The following PDE10A variants were observed in gnomAD, a reference collection of about 807,000 sequenced individuals.
The protein encoded by PDE10A is phosphodiesterase 10A.
PDE10A carries 39 observed loss-of-function variants against 97.7 expected under a neutral mutation model. The observed-to-expected ratio is 0.40, with a 90% CI of 0.31 to 0.52. The LOEUF (loss-of-function observed/expected upper bound fraction) is 0.52, where lower values mean the gene tolerates loss of function less well. PDE10A is among the 20% of genes least tolerant of loss of function. The pLI, the probability that PDE10A is intolerant of heterozygous loss-of-function variation, is 0.56. For synonymous variants in PDE10A, 371 were observed against 376.8 expected, an observed-to-expected ratio of 0.98 and a Z score of 0.18; for missense variants, 731 against 1,047.8, an observed-to-expected ratio of 0.70 and a Z score of 4.17.
intron 1 of PDE10A, among the ~76,000 whole-genome samples, chr6:165,864,620 G>T (rs1669680552): frequency 6.6e-6 from 1 of 152,136 alleles, no homozygotes; most frequent in African/African-American, 2.4e-5. Context: ...TGGCTAGTGG[G>T]AGTGAACCCC....
chr6:165,909,089 T>C (rs1782384426), intron 1 of PDE10A: 1 of 152,150 alleles, frequency 6.6e-6, no homozygotes, highest in Admixed American at 6.5e-5. Flanking sequence ...GTCTTGGTAA[T>C]TCATGGAAAT....
intron 1 of PDE10A, among the ~76,000 whole-genome samples, chr6:165,602,393 C>T (rs777072601): frequency 2.2e-4 from 34 of 152,122 alleles, no homozygotes; most frequent in Non-Finnish European, 4.6e-4. Flanking sequence ...CGGTCTCTCT[C>T]GGGGAACTTC....
intron 1 of PDE10A, among the ~76,000 whole-genome samples, chr6:165,701,673 T>TG (rs1554307808): frequency 6.7e-6 from 1 of 148,838 alleles, no homozygotes; most frequent in African/African-American, 2.5e-5. Context: ...GCATGTATGT[T>TG]TGTGTGTGTG....
rs1170748254 is a variant in PDE10A at position 165,430,267 on chromosome 6, C to G, written c.1601+20G>C. 6.3e-7 allele frequency: 1 copy of G among 1,578,494 alleles called. No individual in the cohort carries two copies. Among genetic ancestry groups the G allele is most frequent in the Non-Finnish European group, 8.7e-7 (1 of 1,151,906 alleles). The stretch of plus-strand genomic sequence containing the variant: ...ACCATTGATTAATAAGAGCTACTAT[C>G]CCTAGAAATGAACACTTACTTTGAT... On this transcript the variant is annotated intron_variant, in intron 9 of 21. Transcript: ENST00000539869.
chr6:165,934,019 G>T (rs1420169321), intron 1 of PDE10A, among the ~76,000 whole-genome samples: 1 of 150,104 alleles, frequency 6.7e-6, no homozygotes, highest in Non-Finnish European at 1.5e-5. Flanking sequence ...GAGTCTCACT[G>T]CGATGCCCAG....
chr6:165,729,508 G>C lies in PDE10A; in HGVS notation c.-614-185940C>G, dbSNP rs77411052. On this transcript the variant is annotated intron_variant, in intron 1 of 19. Transcript: ENST00000366882. ...CACTACCTGCTCCTACCACAGGGGG[G>C]CAGCAACCCAAAATTCACCCAATTT... Among the ~76,000 whole-genome samples the C allele has an allele frequency of 2.5e-3, 381 of 152,242 alleles. 3 individuals carry two copies. The highest frequency in any genetic ancestry group is 8.7e-3 in the African/African-American group (361 of 41,538).
intron 17 of PDE10A, among the ~76,000 whole-genome samples, chr6:165,386,649 A>C (rs990728546): frequency 6.6e-6 from 1 of 152,206 alleles, no homozygotes; most frequent in African/African-American, 2.4e-5. Context: ...CATGTTTTAC[A>C]TATATGTGTA....
chr6:165,494,095 C>T (rs905543492), intron 2 of PDE10A, among the ~76,000 whole-genome samples: 23 of 151,872 alleles, frequency 1.5e-4, no homozygotes, highest in African/African-American at 5.6e-4. Context: ...TACCAAGGAA[C>T]TGCAAATCAA....
intron 1 of PDE10A, among the ~76,000 whole-genome samples, chr6:165,639,689 A>T: frequency 7.1e-6 from 1 of 140,642 alleles, no homozygotes; most frequent in South Asian, 2.3e-4. Context: ...CAAGGAGCCG[A>T]GGTTGCACCA....
At chr6:165,945,149 T>C (rs986789991) in intron 1 of PDE10A, among the ~76,000 whole-genome samples, 6 of 152,214 alleles carry the variant, frequency 3.9e-5, no homozygotes, top group Admixed American at 6.5e-5. Context: ...TGGTTGCTTA[T>C]TTGCTCAGTG....
chr6:165,954,584 T>C (rs1468723331), intron 1 of PDE10A, among the ~76,000 whole-genome samples: 3 of 152,146 alleles, frequency 2.0e-5, no homozygotes, highest in Non-Finnish European at 4.4e-5. Context: ...GCTGCCAGCA[T>C]TGTCATCAAA....
At chr6:165,731,526 T>TA (rs1352190011) in intron 1 of PDE10A, among the ~76,000 whole-genome samples, 4 of 152,146 alleles carry the variant, frequency 2.6e-5, no homozygotes, top group African/African-American at 9.7e-5. Context: ...TGGAGCAGAA[T>TA]AGAAAGAGAA....
Position 165,663,017 on chromosome 6 carries a change from G to C in PDE10A, c.-206C>G. Among the ~76,000 whole-genome samples, 1 of 151,474 alleles carries C rather than the reference G, an allele frequency of 6.6e-6. No homozygotes were observed. The highest frequency in any genetic ancestry group is 2.1e-4 in the South Asian group (1 of 4,826). On this transcript the variant is annotated 5_prime_UTR_variant, in exon 1 of 22. Transcript: ENST00000539869. ...TGGGTTGCGGGAGGACCCGGGCCTGGGGGCCAGGCCCCGGCGACGGCGCCT... is the reference window on the plus strand; with the variant it reads ...TGGGTTGCGGGAGGACCCGGGCCTGCGGGCCAGGCCCCGGCGACGGCGCCT...
chr6:165,401,742 C>A (rs541484475), intron 13 of PDE10A, among the ~76,000 whole-genome samples: 105 of 152,282 alleles, frequency 6.9e-4, no homozygotes, highest in African/African-American at 2.4e-3. Context: ...GAGGAGACTG[C>A]TTCCTGGACA....
chr6:165,937,808 A>T (rs1783384213), intron 1 of PDE10A, among the ~76,000 whole-genome samples: 1 of 152,182 alleles, frequency 6.6e-6, no homozygotes, highest in Non-Finnish European at 1.5e-5. Flanking sequence ...AGTTCTATAA[A>T]CAGGAGACAA....
intron 15 of PDE10A, among the ~76,000 whole-genome samples, chr6:165,393,502 A>G (rs1236754899): frequency 6.6e-6 from 1 of 151,930 alleles, no homozygotes; most frequent in Non-Finnish European, 1.5e-5. Context: ...TTTCTAAAAT[A>G]CCAGGGAGGT....
intron 1 of PDE10A, among the ~76,000 whole-genome samples, chr6:165,557,462 T>G (rs1784313192): frequency 6.6e-6 from 1 of 152,182 alleles, no homozygotes; most frequent in Non-Finnish European, 1.5e-5. Flanking sequence ...TTTAAAGACT[T>G]TAAAAATTAT....
chr6:165,345,690 A>G (rs968034570), intron 18 of PDE10A, among the ~76,000 whole-genome samples: 5 of 152,250 alleles, frequency 3.3e-5, no homozygotes, highest in Non-Finnish European at 7.3e-5. Context: ...ACGATTCTTA[A>G]TCACATAATT....
intron 1 of PDE10A, among the ~76,000 whole-genome samples, chr6:165,753,067 T>C (rs897008463): frequency 2.6e-5 from 4 of 152,234 alleles, no homozygotes; most frequent in Non-Finnish European, 5.9e-5. Context: ...GTCAACTCTC[T>C]TTAAGATGAA....
Sources: gnomAD v4.1 joint callset for allele counts (sites outside exome capture counted in the v4.1 genomes callset) on GRCh38, gnomAD v4.1.1 for gene constraint, MANE v1.5 for transcripts, NCBI Gene and HGNC (gene_info 2026-07-23, HGNC 2026-07-21) for gene names.